The following MTPAP variants were observed in gnomAD, a reference collection of about 807,000 sequenced individuals.
MTPAP encodes mitochondrial poly(A) polymerase.
MTPAP carries 23 observed loss-of-function variants against 48.7 expected under a neutral mutation model. That is an observed-to-expected ratio of 0.47 (90% CI 0.34 to 0.67). The LOEUF is 0.67. Ranked by LOEUF, MTPAP falls within the 30% of genes least tolerant of loss-of-function variation. The pLI is 0.01. For missense variants in MTPAP, 614 were observed against 694.3 expected (o/e 0.88, Z 1.30); for synonymous variants, 257 against 254.1 (o/e 1.01, Z -0.11).
chr10:30,311,143 C>A lies in MTPAP; in HGVS notation c.*2466G>T, dbSNP rs187071676. The A allele has an allele frequency of 7.9e-5, 12 of 152,088 alleles. No homozygotes were observed. Among genetic ancestry groups the A allele is most frequent in the South Asian group, 4.1e-4 (2 of 4,832 alleles). The allele number at this position is 152,088 out of a possible 1,614,324, so 9.4% of individuals were successfully genotyped here. A position where few individuals can be genotyped will look rare whatever the true frequency, so the allele number is the denominator to read the frequency against. ...GAAAAAAAAATTTCATTTAGAAACC[C>A]TTAAGTGGTTTATGCTTTTTAAGCT... On this transcript the variant is annotated 3_prime_UTR_variant, in exon 9 of 9. Transcript: ENST00000263063.
At chr10:30,337,097 T>G in intron 3 of MTPAP, 70 bp from the exon 4 acceptor site, 1 of 1,340,380 alleles carries the variant, frequency 7.5e-7, no homozygotes, top group African/African-American at 1.4e-5. Flanking sequence ...ACCATTTTAC[T>G]TTCAAAGATT....
At chr10:30,316,938 CTTTA>C (rs1840670108) in intron 6 of MTPAP, among the ~76,000 whole-genome samples, 1 of 152,052 alleles carries the variant, frequency 6.6e-6, no homozygotes, top group South Asian at 2.1e-4. Flanking sequence ...CTACTCTATT[CTTTA>C]TTTAAATCAC....
chr10:30,324,363 T>C (rs927890831), intron 5 of MTPAP, among the ~76,000 whole-genome samples: 2 of 151,734 alleles, frequency 1.3e-5, no homozygotes, highest in African/African-American at 2.4e-5. Context: ...AAAAAATGTA[T>C]ATATAAAAGA....
intron 4 of MTPAP, among the ~76,000 whole-genome samples, chr10:30,328,433 T>C (rs574379225): frequency 2.6e-5 from 4 of 152,348 alleles, no homozygotes; most frequent in African/African-American, 9.6e-5. Flanking sequence ...TTAAAATGGT[T>C]AGAAATTACG....
intron 4 of MTPAP, among the ~76,000 whole-genome samples, chr10:30,333,763 G>A (rs183560895): frequency 5.3e-5 from 8 of 152,130 alleles, no homozygotes; most frequent in Non-Finnish European, 1.2e-4. Flanking sequence ...ATAATTAGCC[G>A]GAAGCAGCAG....
rs549446359 is a variant in MTPAP, at chr10:30,325,615, A to G, written c.992+809T>C. Reference sequence around the variant, plus strand: ...AACAAAAATTAGCCAGCGTGATGGCATGCATCTACAATCCCAGCTACTTGG... The same window carrying G: ...AACAAAAATTAGCCAGCGTGATGGCGTGCATCTACAATCCCAGCTACTTGG... On this transcript the variant is annotated intron_variant, in intron 5 of 8. Coordinates refer to ENST00000263063, the MANE Select transcript of MTPAP (RefSeq NM_018109.4). 5.3e-5 allele frequency among the ~76,000 whole-genome samples: 8 copies of G among 152,172 alleles called. No homozygotes were observed. In the South Asian group the frequency reaches 1.7e-3, roughly 32 times the overall value.
chr10:30,339,343 T>C (rs1181701716), intron 3 of MTPAP, among the ~76,000 whole-genome samples: 3 of 151,756 alleles, frequency 2.0e-5, no homozygotes, highest in African/African-American at 7.3e-5. Context: ...AAAAGTTAGC[T>C]GGGTGTGGTG....
chr10:30,317,768 T>C (rs1016057772), intron 6 of MTPAP, among the ~76,000 whole-genome samples: 1 of 152,204 alleles, frequency 6.6e-6, no homozygotes, highest in Non-Finnish European at 1.5e-5. Context: ...TCCTATTCAT[T>C]ATTGCCCAAC....
chr10:30,323,470 A>T (rs1019233932), intron 5 of MTPAP, among the ~76,000 whole-genome samples: 3 of 151,554 alleles, frequency 2.0e-5, no homozygotes, highest in African/African-American at 7.3e-5. Context: ...AAAAAAAAAA[A>T]AAAGAAATAA....
chr10:30,322,766 T>C (rs1438841218), intron 5 of MTPAP, 149 bp from the exon 6 acceptor site: 5 of 655,270 alleles, frequency 7.6e-6, no homozygotes, highest in Admixed American at 2.7e-5. Flanking sequence ...CATTATGAAT[T>C]TGCAATATAA....
chr10:30,313,632 T>C lies in MTPAP; in HGVS notation c.1726A>G (p.Arg576Gly). The C allele has an allele frequency of 6.2e-7, 1 of 1,614,242 alleles. No homozygotes were observed. The highest frequency in any genetic ancestry group is 1.1e-5 in the South Asian group (1 of 91,090). ...TENFTKTSGK[R>G]TISTQT ...CATCATGTCTGAGTACTAATTGTTCTCTTCCCACTGGTTTTTGTGAAATTT... is the reference window on the plus strand; with the variant it reads ...CATCATGTCTGAGTACTAATTGTTCCCTTCCCACTGGTTTTTGTGAAATTT... Residue 576 changes from arginine (R) to glycine (G), a missense_variant, in exon 9 of 9, where the codon AGA becomes GGA. Transcript: ENST00000263063.
At chr10:30,317,950 C>T (rs766383188) in intron 6 of MTPAP, among the ~76,000 whole-genome samples, 6 of 152,208 alleles carry the variant, frequency 3.9e-5, no homozygotes, top group Middle Eastern at 3.4e-3. Flanking sequence ...TTCCGCGTCC[C>T]GGCTTCAAGT....
chr10:30,332,783 G>A (rs1834684838), intron 4 of MTPAP, among the ~76,000 whole-genome samples: 1 of 151,928 alleles, frequency 6.6e-6, no homozygotes, highest in Non-Finnish European at 1.5e-5. Flanking sequence ...AGGTGTTCGA[G>A]ACTATCCTGG....
intron 1 of MTPAP, among the ~76,000 whole-genome samples, chr10:30,342,255 TAAC>T (rs1262995657): frequency 6.6e-6 from 1 of 152,042 alleles, no homozygotes; most frequent in Non-Finnish European, 1.5e-5. Context: ...AGACAGAGAT[TAAC>T]AACAACTAAT....
chr10:30,349,255 C>T lies in MTPAP; in HGVS notation c.21G>A (p.Gly7=). The change falls in exon 1 of 9, where the codon GGG becomes GGA. Residue 7 remains glycine (G), a synonymous_variant. Coordinates refer to ENST00000263063, the MANE Select transcript of MTPAP (RefSeq NM_018109.4). ...CACACAGGTTCAAACGGGTCAAGAG[C>T]CCCACGCCGGGAACCGCCATTGCTA... MAVPGV[G]LLTRLNLCAR... is the part of the protein sequence containing the mutation. 1 of 1,607,720 alleles carries T rather than the reference C, an allele frequency of 6.2e-7. No homozygotes were observed. The highest frequency in any genetic ancestry group is 1.1e-5 in the South Asian group (1 of 90,808).
At position 30,340,454 on chromosome 10, in the gene MTPAP, T is replaced by C. The variant is rs778132850; in HGVS notation, c.331-4A>G. The stretch of plus-strand genomic sequence containing the variant: ...ATTCTACGACAGCATAGAGACCCTA[T>C]ACCAAAAACATAAGAAAAAACAGAA... On this transcript the variant is annotated splice_region_variant and splice_polypyrimidine_tract_variant and intron_variant, in intron 2 of 8. Coordinates refer to ENST00000263063, the MANE Select transcript of MTPAP (RefSeq NM_018109.4). 6.2e-7 allele frequency: 1 copy of C among 1,606,298 alleles called. No homozygotes were observed. Among genetic ancestry groups the C allele is most frequent in the South Asian group, 1.1e-5 (1 of 90,942 alleles).
intron 5 of MTPAP, among the ~76,000 whole-genome samples, chr10:30,324,187 C>G (rs1402330916): frequency 2.8e-5 from 4 of 141,310 alleles, no homozygotes; most frequent in Middle Eastern, 3.5e-3. Context: ...ATCTCAAACA[C>G]ACACACATAT....
In MTPAP at chr10:30,349,230, C is replaced by A. The variant is rs755296057; in HGVS notation, c.46G>T (p.Ala16Ser). Reference protein sequence around the residue: ...VGLLTRLNLCARRRTRVQRPI... With the variant: ...VGLLTRLNLCSRRRTRVQRPI... ...CGCTGGACTCGAGTTCTTCTCCGGG[C>A]ACACAGGTTCAAACGGGTCAAGAGC... Residue 16 changes from alanine (A) to serine (S), a missense_variant, in exon 1 of 9, where the codon GCC (alanine) becomes TCC (serine). Ala to Ser is a moderately conservative substitution (Grantham distance 99). Transcript: ENST00000263063. 1.1e-5 allele frequency: 18 copies of A among 1,601,950 alleles called. No individual in the cohort carries two copies. Among genetic ancestry groups the A allele is most frequent in the Admixed American group, 1.7e-5 (1 of 58,494 alleles).
At chr10:30,323,128 C>CAAAAAAAAAA (rs201987154) in intron 5 of MTPAP, among the ~76,000 whole-genome samples, 10 of 86,498 alleles carry the variant, frequency 1.2e-4, no homozygotes, top group African/African-American at 2.9e-4. Flanking sequence ...GACTCCGTTT[C>CAAAAAAAAAA]AAAAAAAAAA....
Sources: gnomAD v4.1 joint callset for allele counts (sites outside exome capture counted in the v4.1 genomes callset) on GRCh38, gnomAD v4.1.1 for gene constraint, MANE v1.5 for transcripts, NCBI Gene and HGNC (gene_info 2026-07-23, HGNC 2026-07-21) for gene names.